ASCL4: variants seen among roughly 807,000 people sequenced by gnomAD.
The protein encoded by ASCL4 is achaete-scute family bHLH transcription factor 4.
ASCL4 carries 1 observed loss-of-function variant against 0.3 expected under a neutral mutation model. The ratio of observed to expected loss-of-function variants is 3.35; its 90% CI spans 1.19 to 15.89. The LOEUF is 15.89. Ranked by LOEUF, ASCL4 falls within the 30% of genes most tolerant of loss-of-function variation. ASCL4 has a pLI of 0.12. For missense variants in ASCL4, 330 were observed against 256.9 expected (o/e 1.28, Z -1.94); for synonymous variants, 137 against 119.5 (o/e 1.15, Z -0.96).
rs932352064 is a variant in ASCL4 at position 107,776,387 on chromosome 12, CTG to C, written c.*652_*653del. On this transcript the variant is annotated 3_prime_UTR_variant, in exon 1 of 1. Transcript: ENST00000342331. ...CAGGGAATCCGTGGCTTGGTACACACTGTTTCATCCAGTGGCCACGTGGAAGC... is the reference window on the plus strand; with the variant it reads ...CAGGGAATCCGTGGCTTGGTACACACTTTCATCCAGTGGCCACGTGGAAGC... 3.6e-5 allele frequency: 6 copies of C among 167,128 alleles called. No individual in the cohort carries two copies. The highest frequency in any genetic ancestry group is 2.0e-4 in the Admixed American group (3 of 15,286). The allele number at this position is 167,128 out of a possible 1,614,324, so 10.4% of individuals were successfully genotyped here.
At position 107,775,782 on chromosome 12, in the gene ASCL4, C is replaced by G; in HGVS notation, c.*45C>G. The G allele has an allele frequency of 2.9e-6, 4 of 1,379,638 alleles. No individual in the cohort carries two copies. The highest frequency in any genetic ancestry group is 3.7e-6 in the Non-Finnish European group (4 of 1,070,506). 85.5% of individuals were successfully genotyped at this position (1,379,638 alleles called of 1,614,324 possible). A position where few individuals can be genotyped will look rare whatever the true frequency, so the allele number is the denominator to read the frequency against. ...GGACCCCCGCGCCCGCCGCACAGCG[C>G]GCAGCCGGGCGCTCAACCTAAGGTC... On this transcript the variant is annotated 3_prime_UTR_variant, in exon 1 of 1. Transcript: ENST00000342331.
rs538343741 is a variant in ASCL4, at chr12:107,775,486, G to C, written c.268G>C (p.Glu90Gln). The change falls in exon 1 of 1, where the codon GAG becomes CAG. Residue 90 changes from glutamate (E) to glutamine (Q), a missense_variant. Glu to Gln is a conservative substitution (Grantham distance 29). Transcript: ENST00000342331. ...GCGGCAGCGGGTGCGCTGCGTGAAC[G>C]AGGGCTATGCGCGCCTCCGAGACCA... ...RERQRVRCVNEGYARLRDHLP... is the reference protein window; with the variant it reads ...RERQRVRCVNQGYARLRDHLP... The C allele has an allele frequency of 2.4e-5, 38 of 1,572,652 alleles. No homozygotes were observed. The African/African-American group carries it at 3.6e-4, about 15-fold the overall frequency.
chr12:107,775,322 C>T lies in ASCL4; in HGVS notation c.104C>T (p.Pro35Leu), dbSNP rs752906869. ...GTLPGLPRRD[P>L]LRVALRLDAA... The stretch of plus-strand genomic sequence containing the variant: ...CTGCCCGGACTCCCGCGGAGGGACC[C>T]CCTCAGGGTCGCCCTGCGTCTGGAC... The change falls in exon 1 of 1, where the codon CCC becomes CTC. Residue 35 changes from proline (P) to leucine (L), a missense_variant. Transcript: ENST00000342331. 11 of 1,610,164 alleles carry T rather than the reference C, an allele frequency of 6.8e-6. No homozygotes were observed. In the South Asian group the frequency reaches 8.8e-5, roughly 13 times the overall value.
At position 107,775,038 on chromosome 12, in the gene ASCL4, A is replaced by C. The variant is rs1201541209; in HGVS notation, c.-181A>C. The C allele has an allele frequency of 7.1e-6, 5 of 701,786 alleles. No individual in the cohort carries two copies. The African/African-American group carries it at 9.4e-5, about 13-fold the overall frequency. The allele number at this position is 701,786 out of a possible 1,614,324, so 43.5% of individuals were successfully genotyped here. On this transcript the variant is annotated 5_prime_UTR_variant, in exon 1 of 1. Transcript: ENST00000342331. ...TCGAGGAGTGCAATGAACTTCAGGA[A>C]TCATGCACCGTTTCCCTGAAGCCTG...
Position 107,775,805 on chromosome 12 carries a change from G to T in ASCL4, c.*68G>T. On this transcript the variant is annotated 3_prime_UTR_variant, in exon 1 of 1. Coordinates refer to ENST00000342331, the MANE Select transcript of ASCL4 (RefSeq NM_203436.3). ...CGCGCAGCCGGGCGCTCAACCTAAG[G>T]TCCTCTTCGAAGGTGGTTTGCATTC... is the stretch of plus-strand genomic sequence containing the variant. The T allele has an allele frequency of 7.4e-7, 1 of 1,359,138 alleles. No individual in the cohort carries two copies. 84.2% of individuals were successfully genotyped at this position (1,359,138 alleles called of 1,614,324 possible). A position where few individuals can be genotyped will look rare whatever the true frequency, so the allele number is the denominator to read the frequency against.
chr12:107,775,568 C>T lies in ASCL4; in HGVS notation c.350C>T (p.Ala117Val). 1 of 1,580,288 alleles carries T rather than the reference C, an allele frequency of 6.3e-7. No homozygotes were observed. ...RLSKVETLRA[A>V]IDYIKHLQEL... ...AGCAAAGTGGAGACGCTCCGCGCTGCCATCGACTACATCAAGCACCTGCAG... is the reference window on the plus strand; with the variant it reads ...AGCAAAGTGGAGACGCTCCGCGCTGTCATCGACTACATCAAGCACCTGCAG... Residue 117 changes from alanine (A) to valine (V), a missense_variant, in exon 1 of 1, where the codon GCC becomes GTC. Transcript: ENST00000342331.
In ASCL4 at chr12:107,775,900, G is replaced by T. The variant is rs779498363; in HGVS notation, c.*163G>T. 3.5e-6 allele frequency: 3 copies of T among 862,846 alleles called. No homozygotes were observed. In the East Asian group the frequency reaches 1.0e-4, roughly 29 times the overall value. 53.4% of individuals were successfully genotyped at this position (862,846 alleles called of 1,614,324 possible). A position where few individuals can be genotyped will look rare whatever the true frequency, so the allele number is the denominator to read the frequency against. On this transcript the variant is annotated 3_prime_UTR_variant, in exon 1 of 1. Transcript: ENST00000342331. ...TGGGTGCTGGGGTTTGGGGGATGGG[G>T]GAGTTGTTTTGACATTTGGGAATTT... is the stretch of plus-strand genomic sequence containing the variant.
At position 107,775,575 on chromosome 12, in the gene ASCL4, C is replaced by G; in HGVS notation, c.357C>G (p.Asp119Glu). 1.9e-6 allele frequency: 3 copies of G among 1,581,304 alleles called. No individual in the cohort carries two copies. Among genetic ancestry groups the G allele is most frequent in the Non-Finnish European group, 1.7e-6 (2 of 1,172,260 alleles). ...SKVETLRAAI[D>E]YIKHLQELLE... ...TGGAGACGCTCCGCGCTGCCATCGA[C>G]TACATCAAGCACCTGCAGGAGCTGC... Residue 119 changes from aspartate to glutamate, a missense_variant, in exon 1 of 1, where the codon GAC becomes GAG. Coordinates refer to ENST00000342331, the MANE Select transcript of ASCL4 (RefSeq NM_203436.3).
Position 107,775,759 on chromosome 12 carries a change from A to G in ASCL4, c.*22A>G. On this transcript the variant is annotated 3_prime_UTR_variant, in exon 1 of 1. Transcript: ENST00000342331. ...CTAGCGAGCGCCCGAACTGGCCAGG[A>G]CCCCCGCGCCCGCCGCACAGCGCGC... 7.2e-7 allele frequency: 1 copy of G among 1,389,324 alleles called. No homozygotes were observed. Among genetic ancestry groups the G allele is most frequent in the Admixed American group, 3.6e-5 (1 of 27,672 alleles). The allele number at this position is 1,389,324 out of a possible 1,614,324, so 86.1% of individuals were successfully genotyped here.
chr12:107,775,475 G>T lies in ASCL4; in HGVS notation c.257G>T (p.Arg86Leu). Residue 86 changes from arginine to leucine, a missense_variant, in exon 1 of 1, where the codon CGC (arginine) becomes CTC (leucine). Arg to Leu is a moderately radical substitution (Grantham distance 102). Transcript: ENST00000342331. ...AACGAGCGCGAGCGGCAGCGGGTGC[G>T]CTGCGTGAACGAGGGCTATGCGCGC... is the stretch of plus-strand genomic sequence containing the variant. Reference protein sequence around the residue: ...KRNERERQRVRCVNEGYARLR... With the variant: ...KRNERERQRVLCVNEGYARLR... 6.4e-7 allele frequency: 1 copy of T among 1,570,598 alleles called. No homozygotes were observed. Among genetic ancestry groups the T allele is most frequent in the Non-Finnish European group, 8.6e-7 (1 of 1,166,478 alleles).
chr12:107,775,860 C>A lies in ASCL4; in HGVS notation c.*123C>A. The stretch of plus-strand genomic sequence containing the variant: ...TCTGGCATCTTCTCCAGGCCTAAAT[C>A]TTAAGAAAAAGAAATGGGTGCTGGG... On this transcript the variant is annotated 3_prime_UTR_variant, in exon 1 of 1. Coordinates refer to ENST00000342331, the MANE Select transcript of ASCL4 (RefSeq NM_203436.3). 8.4e-7 allele frequency: 1 copy of A among 1,187,660 alleles called. No homozygotes were observed. Among genetic ancestry groups the A allele is most frequent in the Non-Finnish European group, 1.1e-6 (1 of 910,356 alleles). 73.6% of individuals were successfully genotyped at this position (1,187,660 alleles called of 1,614,324 possible).
Position 107,775,899 on chromosome 12 carries a change from G to T in ASCL4, c.*162G>T. 1 of 870,012 alleles carries T rather than the reference G, an allele frequency of 1.1e-6. No individual in the cohort carries two copies. The highest frequency in any genetic ancestry group is 1.6e-6 in the Non-Finnish European group (1 of 630,672). 53.9% of individuals were successfully genotyped at this position (870,012 alleles called of 1,614,324 possible). The stretch of plus-strand genomic sequence containing the variant: ...ATGGGTGCTGGGGTTTGGGGGATGG[G>T]GGAGTTGTTTTGACATTTGGGAATT... On this transcript the variant is annotated 3_prime_UTR_variant, in exon 1 of 1. Transcript: ENST00000342331.
Position 107,775,671 on chromosome 12 carries a change from C to A in ASCL4, c.453C>A (p.Ser151Arg). 6.6e-7 allele frequency: 1 copy of A among 1,518,812 alleles called. No homozygotes were observed. The highest frequency in any genetic ancestry group is 8.7e-7 in the Non-Finnish European group (1 of 1,145,048). The allele number at this position is 1,518,812 out of a possible 1,614,324, so 94.1% of individuals were successfully genotyped here. ...CCCAGCGCAGGGCGGAATGCAACAG[C>A]GACGGGGAGTCCAAGGCCTCTTCGG... is the stretch of plus-strand genomic sequence containing the variant. ...AVPQRRAECNSDGESKASSAP... is the reference protein window; with the variant it reads ...AVPQRRAECNRDGESKASSAP... Residue 151 changes from serine (S) to arginine (R), a missense_variant, in exon 1 of 1, where the codon AGC becomes AGA. Transcript: ENST00000342331.
In ASCL4 at chr12:107,775,718, C is replaced by T; in HGVS notation, c.500C>T (p.Pro167Leu). 1 of 1,450,482 alleles carries T rather than the reference C, an allele frequency of 6.9e-7. No homozygotes were observed. The highest frequency in any genetic ancestry group is 1.5e-5 in the South Asian group (1 of 68,024). The allele number at this position is 1,450,482 out of a possible 1,614,324, so 89.9% of individuals were successfully genotyped here. The change falls in exon 1 of 1, where the codon CCC becomes CTC. Residue 167 changes from proline to leucine, a missense_variant. Pro to Leu is a moderately conservative substitution (Grantham distance 98). Coordinates refer to ENST00000342331, the MANE Select transcript of ASCL4 (RefSeq NM_203436.3). The part of the protein sequence containing the change: ...ASSAPSPSSE[P>L]EEGGS Reference sequence around the variant, plus strand: ...TCGGCGCCTTCGCCCAGCAGCGAGCCCGAGGAGGGGGGCAGCTAGCGAGCG... The same window carrying T: ...TCGGCGCCTTCGCCCAGCAGCGAGCTCGAGGAGGGGGGCAGCTAGCGAGCG...
chr12:107,775,459 G>C lies in ASCL4; in HGVS notation c.241G>C (p.Glu81Gln). ...CTTCCTCCGCAAGCGCAACGAGCGC[G>C]AGCGGCAGCGGGTGCGCTGCGTGAA... Reference protein sequence around the residue: ...PAFLRKRNERERQRVRCVNEG... With the variant: ...PAFLRKRNERQRQRVRCVNEG... The change falls in exon 1 of 1, where the codon GAG becomes CAG. Residue 81 changes from glutamate to glutamine, a missense_variant. By Grantham distance (29) the Glu-to-Gln change is conservative. Coordinates refer to ENST00000342331, the MANE Select transcript of ASCL4 (RefSeq NM_203436.3). 6.4e-7 allele frequency: 1 copy of C among 1,564,990 alleles called. No individual in the cohort carries two copies.
At position 107,775,616 on chromosome 12, in the gene ASCL4, G is replaced by C. The variant is rs1013793437; in HGVS notation, c.398G>C (p.Trp133Ser). 2.0e-5 allele frequency: 31 copies of C among 1,565,534 alleles called. No individual in the cohort carries two copies. The highest frequency in any genetic ancestry group is 4.7e-5 in the East Asian group (2 of 42,812). The change falls in exon 1 of 1, where the codon TGG (tryptophan) becomes TCG (serine). Residue 133 changes from tryptophan to serine, a missense_variant. By Grantham distance (177) the Trp-to-Ser change is radical. Transcript: ENST00000342331. ...CAGGAGCTGCTGGAGCGCCAGGCCT[G>C]GGGGCTCGAGGGCGCGGCCGGCGCC... ...HLQELLERQA[W>S]GLEGAAGAVP... is the part of the protein sequence containing the mutation.
rs960644702 is a variant in ASCL4, at chr12:107,774,923, AAAG to A, written c.-291_-289del. Reference sequence around the variant, plus strand: ...GAGGAACCCCCTTTGTTATCTTCTGAAAGAAGATCAGTGGGGAAGACGGGGTTT... The same window carrying A: ...GAGGAACCCCCTTTGTTATCTTCTGAAAGATCAGTGGGGAAGACGGGGTTT... On this transcript the variant is annotated 5_prime_UTR_variant, in exon 1 of 1. Transcript: ENST00000342331. 2 of 427,606 alleles carry A rather than the reference AAAG, an allele frequency of 4.7e-6. No individual in the cohort carries two copies. The highest frequency in any genetic ancestry group is 4.2e-5 in the African/African-American group (2 of 47,714). The allele number at this position is 427,606 out of a possible 1,614,324, so 26.5% of individuals were successfully genotyped here.
rs1405002403 is a variant in ASCL4, at chr12:107,776,643, G to C, written c.*906G>C. 2 of 162,234 alleles carry C rather than the reference G, an allele frequency of 1.2e-5. No homozygotes were observed. Among genetic ancestry groups the C allele is most frequent in the Admixed American group, 6.6e-5 (1 of 15,256 alleles). 10.0% of individuals were successfully genotyped at this position (162,234 alleles called of 1,614,324 possible). On this transcript the variant is annotated 3_prime_UTR_variant, in exon 1 of 1. Transcript: ENST00000342331. The stretch of plus-strand genomic sequence containing the variant: ...TAAAAATAAAAAAGAAATCTACTTG[G>C]AAGTCCTTTTTGCGGGTTGAGCCAG...
chr12:107,775,879 T>A lies in ASCL4; in HGVS notation c.*142T>A. 1 of 1,044,794 alleles carries A rather than the reference T, an allele frequency of 9.6e-7. No individual in the cohort carries two copies. The highest frequency in any genetic ancestry group is 1.3e-6 in the Non-Finnish European group (1 of 783,444). 64.7% of individuals were successfully genotyped at this position (1,044,794 alleles called of 1,614,324 possible). A position where few individuals can be genotyped will look rare whatever the true frequency, so the allele number is the denominator to read the frequency against. Reference sequence around the variant, plus strand: ...CTAAATCTTAAGAAAAAGAAATGGGTGCTGGGGTTTGGGGGATGGGGGAGT... The same window carrying A: ...CTAAATCTTAAGAAAAAGAAATGGGAGCTGGGGTTTGGGGGATGGGGGAGT... On this transcript the variant is annotated 3_prime_UTR_variant, in exon 1 of 1. Coordinates refer to ENST00000342331, the MANE Select transcript of ASCL4 (RefSeq NM_203436.3).
Sources: allele counts gnomAD v4.1 joint callset, GRCh38; gene constraint gnomAD v4.1.1; transcripts MANE v1.5; gene names NCBI Gene and HGNC (gene_info 2026-07-23, HGNC 2026-07-21).